Variants in LARP7 observed in about 807,000 individuals in gnomAD.
The protein encoded by LARP7 is La ribonucleoprotein 7, transcriptional regulator, also known as la-related protein 7.
LARP7 carries 52 observed loss-of-function variants against 69.3 expected under a neutral mutation model. The observed-to-expected ratio is 0.75, with a 90% CI of 0.60 to 0.95. The LOEUF (loss-of-function observed/expected upper bound fraction) is 0.95, where lower values mean the gene tolerates loss of function less well. Among genes scored for constraint, LARP7 ranks in the 40% least tolerant of loss-of-function variants. The pLI is 0.00. For synonymous variants in LARP7, 254 were observed against 215.9 expected, an observed-to-expected ratio of 1.18 and a Z score of -1.55; for missense variants, 733 against 673.0, an observed-to-expected ratio of 1.09 and a Z score of -0.99.
chr4:112,648,876 G>T (rs2048545996), intron 8 of LARP7, among the ~76,000 whole-genome samples: 1 of 138,176 alleles, frequency 7.2e-6, no homozygotes. Context: ...GAAGTATACA[G>T]ATGTCAATGT....
In LARP7 at chr4:112,646,746, A is replaced by C. The variant is rs768460258; in HGVS notation, c.388-45A>C. Reference sequence around the variant, plus strand: ...ATAATTAAGTTAAAAATTTATTGACATTCTGATTGTGAAAAACTCTAATAT... The same window carrying C: ...ATAATTAAGTTAAAAATTTATTGACCTTCTGATTGTGAAAAACTCTAATAT... On this transcript the variant is annotated intron_variant, in intron 4 of 12. Coordinates refer to ENST00000344442, the MANE Select transcript of LARP7 (RefSeq NM_016648.4). The C allele has an allele frequency of 4.2e-5, 66 of 1,555,550 alleles. 1 individual carries two copies. In the Middle Eastern group the frequency reaches 6.0e-4, roughly 14 times the overall value.
chr4:112,649,430 TTGG>T (rs2048596281), intron 8 of LARP7, 102 bp from the exon 9 acceptor site: 3 of 888,082 alleles, frequency 3.4e-6, no homozygotes, highest in African/African-American at 1.8e-5. Context: ...AACAGGAAAG[TTGG>T]TGGAGGAGTT....
chr4:112,641,261 A>G (rs1247150523), intron 1 of LARP7, among the ~76,000 whole-genome samples: 2 of 152,092 alleles, frequency 1.3e-5, no homozygotes, highest in African/African-American at 4.8e-5. Flanking sequence ...GTGGTGGCAC[A>G]TGCCTATAGT....
intron 9 of LARP7, 68 bp downstream of exon 9, chr4:112,649,754 G>T: frequency 3.0e-6 from 3 of 1,006,592 alleles, no homozygotes; most frequent in Non-Finnish European, 4.1e-6. Flanking sequence ...TCTCTGAGTT[G>T]TTATAAGATA....
At chr4:112,644,259 C>T (rs1272750881) in intron 1 of LARP7, 3 of 191,770 alleles carry the variant, frequency 1.6e-5, no homozygotes, top group African/African-American at 3.2e-5. Context: ...AAAAAAAAAG[C>T]GAATACAACT....
intron 12 of LARP7, 47 bp from the exon 13 acceptor site, chr4:112,657,200 G>GTGTGTGTT (rs2048990454): frequency 1.1e-6 from 1 of 890,328 alleles, no homozygotes; most frequent in Non-Finnish European, 1.7e-6. Context: ...GTGTGTGTGT[G>GTGTGTGTT]TTTTGAGTAT....
chr4:112,641,106 TAAG>T (rs2047942394), intron 1 of LARP7, among the ~76,000 whole-genome samples: 1 of 152,082 alleles, frequency 6.6e-6, no homozygotes, highest in Non-Finnish European at 1.5e-5. Flanking sequence ...TTGAGTGTGA[TAAG>T]AAACCTCTGA....
chr4:112,645,440 A>G (rs145885072), intron 2 of LARP7: 9 of 449,618 alleles, frequency 2.0e-5, no homozygotes, highest in South Asian at 1.6e-5. Context: ...ACCATTCATC[A>G]TGTGTAACTC....
At chr4:112,642,450 A>G (rs895424364) in intron 1 of LARP7, among the ~76,000 whole-genome samples, 3 of 152,226 alleles carry the variant, frequency 2.0e-5, no homozygotes, top group Non-Finnish European at 2.9e-5. Context: ...ATGCATGTTT[A>G]GTTGGAGATT....
In LARP7 at chr4:112,647,347, C is replaced by T. The variant is rs562023320; in HGVS notation, c.795C>T (p.Ser265=). Residue 265 remains serine (S), a synonymous_variant, in exon 7 of 13, where the codon TCC becomes TCT. Transcript: ENST00000344442. ...CATCTGAGGGCTCTGACATTGAGTC[C>T]ACTGAACCCCAAAAGCAGTGCTCAA... ...RPTSEGSDIE[S]TEPQKQCSKK... is the part of the protein sequence containing the mutation. The T allele has an allele frequency of 2.5e-6, 4 of 1,613,986 alleles. No individual in the cohort carries two copies. Among genetic ancestry groups the T allele is most frequent in the Non-Finnish European group, 3.4e-6 (4 of 1,179,982 alleles).
intron 1 of LARP7, among the ~76,000 whole-genome samples, chr4:112,642,419 C>CAAA (rs2047998109): frequency 6.6e-6 from 1 of 152,198 alleles, no homozygotes; most frequent in Admixed American, 6.5e-5. Flanking sequence ...CCAAAATGTA[C>CAAA]TTCTGTTGAG....
intron 8 of LARP7, chr4:112,648,248 G>C (rs781077657): frequency 2.6e-5 from 14 of 531,308 alleles, no homozygotes; most frequent in Non-Finnish European, 5.4e-5. Context: ...CGTTTAAGTG[G>C]TGGGGAGCCC....
chr4:112,652,155 G>A (rs1378240982), intron 10 of LARP7, among the ~76,000 whole-genome samples: 1 of 151,814 alleles, frequency 6.6e-6, no homozygotes, highest in Admixed American at 6.6e-5. Context: ...CTTATTCTAT[G>A]ATGAAATAAT....
intron 8 of LARP7, chr4:112,648,603 A>T (rs994828003): frequency 2.2e-6 from 1 of 459,976 alleles, no homozygotes; most frequent in Non-Finnish European, 4.6e-6. Context: ...TTTAGAGCTG[A>T]GGAGAAAGAA....
In LARP7 at chr4:112,647,477, C is replaced by A. The variant is rs866288154; in HGVS notation, c.925C>A (p.Arg309=). ...SSEDAESLAP[R]SKVKKIIQKD... ...TGAAGATGCAGAATCCCTAGCTCCC[C>A]GATCAAAAGTAAAGAAAATTATTCA... Residue 309 remains arginine (R), a synonymous_variant, in exon 7 of 13, where the codon CGA becomes AGA. Transcript: ENST00000344442. The A allele has an allele frequency of 3.7e-6, 6 of 1,613,332 alleles. No individual in the cohort carries two copies. Among genetic ancestry groups the A allele is most frequent in the Non-Finnish European group, 5.1e-6 (6 of 1,179,718 alleles).
At position 112,652,972 on chromosome 4, in the gene LARP7, A is replaced by G. The variant is rs532794711; in HGVS notation, c.1417-105A>G. 57 of 781,182 alleles carry G rather than the reference A, an allele frequency of 7.3e-5. No homozygotes were observed. The East Asian group carries it at 1.7e-3, about 23-fold the overall frequency. 48.4% of individuals were successfully genotyped at this position (781,182 alleles called of 1,614,324 possible). ...TATTTGCTCCTCATTAGACTGCAAA[A>G]TGCTTTATTTACATAATATATTCTG... On this transcript the variant is annotated intron_variant, in intron 10 of 12. Coordinates refer to ENST00000344442, the MANE Select transcript of LARP7 (RefSeq NM_016648.4).
chr4:112,652,356 A>T (rs2149283137), intron 10 of LARP7, among the ~76,000 whole-genome samples: 1 of 144,150 alleles, frequency 6.9e-6, no homozygotes, highest in East Asian at 2.2e-4. Flanking sequence ...GAAGTTGATG[A>T]ATTAGGAATT....
At position 112,646,939 on chromosome 4, in the gene LARP7, C is replaced by G; in HGVS notation, c.536C>G (p.Ala179Gly). Residue 179 changes from alanine (A) to glycine (G), a missense_variant, in exon 5 of 13, where the codon GCA becomes GGA. Ala to Gly is a moderately conservative substitution (Grantham distance 60). Coordinates refer to ENST00000344442, the MANE Select transcript of LARP7 (RefSeq NM_016648.4). The part of the protein sequence containing the change: ...AFVEFETKEQ[A>G]AKAIEFLNNP... ...GTGGAATTTGAAACAAAAGAACAAGCAGCAAAAGCAATTGAGGTAAGTCCA... is the reference window on the plus strand; with the variant it reads ...GTGGAATTTGAAACAAAAGAACAAGGAGCAAAAGCAATTGAGGTAAGTCCA... 6.2e-7 allele frequency: 1 copy of G among 1,600,586 alleles called. No homozygotes were observed. The highest frequency in any genetic ancestry group is 8.5e-7 in the Non-Finnish European group (1 of 1,176,308).
At position 112,657,406 on chromosome 4, in the gene LARP7, A is replaced by T. The variant is rs1220655076; in HGVS notation, c.*79A>T. The T allele has an allele frequency of 1.6e-5, 9 of 569,634 alleles. No individual in the cohort carries two copies. Among genetic ancestry groups the T allele is most frequent in the Non-Finnish European group, 2.6e-5 (9 of 345,630 alleles). The allele number at this position is 569,634 out of a possible 1,614,324, so 35.3% of individuals were successfully genotyped here. On this transcript the variant is annotated 3_prime_UTR_variant, in exon 13 of 13. Coordinates refer to ENST00000344442, the MANE Select transcript of LARP7 (RefSeq NM_016648.4). Reference sequence around the variant, plus strand: ...GGAGATTCACTTTTATTATGGTAGCACTGCATAATTAATGTGTTTTTAATT... The same window carrying T: ...GGAGATTCACTTTTATTATGGTAGCTCTGCATAATTAATGTGTTTTTAATT...
Sources: allele counts gnomAD v4.1 joint callset (sites outside exome capture counted in the v4.1 genomes callset), GRCh38; gene constraint gnomAD v4.1.1; transcripts MANE v1.5; gene names NCBI Gene and HGNC (gene_info 2026-07-23, HGNC 2026-07-21).